PDGFD: variants seen among roughly 807,000 people sequenced by gnomAD.
The protein encoded by PDGFD is platelet-derived growth factor D.
Under a neutral mutation model 44.7 loss-of-function variants are expected in PDGFD, and 30 were observed. The ratio of observed to expected loss-of-function variants is 0.67; its 90% CI spans 0.50 to 0.91. The LOEUF is 0.91. Ranked by LOEUF, PDGFD falls within the 40% of genes least tolerant of loss-of-function variation. The pLI is 0.00. For missense variants in PDGFD, 445 were observed against 457.8 expected, an observed-to-expected ratio of 0.97 and a Z score of 0.25; for synonymous variants, 173 against 168.4, an observed-to-expected ratio of 1.03 and a Z score of -0.21.
chr11:103,920,418 G>A (rs916541637), intron 6 of PDGFD, among the ~76,000 whole-genome samples: 3 of 152,236 alleles, frequency 2.0e-5, no homozygotes, highest in African/African-American at 4.8e-5. Flanking sequence ...TGGAAAGCCT[G>A]GGTGGGCACT....
intron 3 of PDGFD, among the ~76,000 whole-genome samples, chr11:103,994,881 C>CT (rs35702032): frequency 0.062 from 8,470 of 136,392 alleles, 445 homozygotes; most frequent in African/African-American, 0.14. Flanking sequence ...GTTGCTATTC[C>CT]TTTTTTTTTT....
At chr11:104,084,052 T>C (rs1458084730) in intron 1 of PDGFD, among the ~76,000 whole-genome samples, 1 of 152,226 alleles carries the variant, frequency 6.6e-6, no homozygotes, top group Admixed American at 6.6e-5. Context: ...TTTGATGTGA[T>C]GTTGAGGAAC....
chr11:103,909,721 A>G lies in PDGFD; in HGVS notation c.1086T>C (p.Cys362=), dbSNP rs781737379. ...IQLDHHERCD[C]ICSSRPPR is the part of the protein sequence containing the mutation. ...ATCGAGGTGGTCTTGAGCTGCAGAT[A>G]CAATCACATCGTTCATGGTGATCCA... is the stretch of plus-strand genomic sequence containing the variant. Residue 362 remains cysteine (C), a synonymous_variant, in exon 7 of 7, where the codon TGT becomes TGC. Coordinates refer to ENST00000393158, the MANE Select transcript of PDGFD (RefSeq NM_025208.5). 4.3e-6 allele frequency: 7 copies of G among 1,614,072 alleles called. No individual in the cohort carries two copies. In the South Asian group the frequency reaches 6.6e-5, roughly 15 times the overall value.
chr11:104,110,773 G>C (rs1172562720), intron 1 of PDGFD, among the ~76,000 whole-genome samples: 1 of 152,052 alleles, frequency 6.6e-6, no homozygotes, highest in African/African-American at 2.4e-5. Context: ...GCACCTAGGA[G>C]GTTAAGTGTT....
chr11:104,121,254 C>T (rs1362193563), intron 1 of PDGFD, among the ~76,000 whole-genome samples: 3 of 151,918 alleles, frequency 2.0e-5, no homozygotes, highest in Non-Finnish European at 2.9e-5. Context: ...AATGTCCTTT[C>T]TAATCCAGGT....
intron 6 of PDGFD, among the ~76,000 whole-genome samples, chr11:103,922,949 T>C (rs1037279024): frequency 6.6e-6 from 1 of 152,074 alleles, no homozygotes; most frequent in Non-Finnish European, 1.5e-5. Context: ...TTGCTAATTT[T>C]CCCCAGTTTA....
intron 1 of PDGFD, among the ~76,000 whole-genome samples, chr11:104,010,183 T>TA (rs1859761937): frequency 1.4e-5 from 2 of 140,676 alleles, no homozygotes; most frequent in South Asian, 4.9e-4. Context: ...CAGTTACATA[T>TA]CTTTTTTTTT....
At chr11:104,055,029 T>C (rs182774734) in intron 1 of PDGFD, among the ~76,000 whole-genome samples, 5 of 152,358 alleles carry the variant, frequency 3.3e-5, no homozygotes, top group African/African-American at 1.2e-4. Context: ...TTTATTTTAA[T>C]GTTAATGTTT....
intron 1 of PDGFD, among the ~76,000 whole-genome samples, chr11:104,101,544 A>G (rs910389571): frequency 6.6e-6 from 1 of 152,172 alleles, no homozygotes; most frequent in Non-Finnish European, 1.5e-5. Context: ...TCAAGCTACC[A>G]ATGACTTTCT....
chr11:103,910,643 C>A (rs1188815533), intron 6 of PDGFD, among the ~76,000 whole-genome samples: 1 of 152,242 alleles, frequency 6.6e-6, no homozygotes, highest in Non-Finnish European at 1.5e-5. Context: ...GCCACCAGGG[C>A]CCTGGGTTTC....
At chr11:104,010,022 T>C (rs1423179049) in intron 1 of PDGFD, among the ~76,000 whole-genome samples, 2 of 152,128 alleles carry the variant, frequency 1.3e-5, no homozygotes, top group South Asian at 2.1e-4. Context: ...CTGTGCTCAG[T>C]CTATGGCCTG....
At chr11:104,036,572 G>C in intron 1 of PDGFD, 1 of 550,750 alleles carries the variant, frequency 1.8e-6, no homozygotes, top group Non-Finnish European at 3.3e-6. Context: ...GTTCCAAACA[G>C]CACACTTAGA....
At chr11:103,928,454 A>G (rs1591080395) in intron 5 of PDGFD, among the ~76,000 whole-genome samples, 1 of 152,186 alleles carries the variant, frequency 6.6e-6, no homozygotes, top group Non-Finnish European at 1.5e-5. Flanking sequence ...GAGAAGGAAG[A>G]AAAAAAGCCT....
chr11:104,010,133 T>C (rs192636221), intron 1 of PDGFD, among the ~76,000 whole-genome samples: 1 of 152,244 alleles, frequency 6.6e-6, no homozygotes, highest in East Asian at 1.9e-4. Context: ...TACAAAACTT[T>C]TCTGTTTATA....
rs114447377 is a variant in PDGFD, at chr11:104,152,873, G to A, written c.124+10931C>T. Among the ~76,000 whole-genome samples, 1,512 of 152,150 alleles carry A rather than the reference G, an allele frequency of 9.9e-3. 29 individuals are homozygous for A. The highest frequency in any genetic ancestry group is 0.034 in the African/African-American group (1,425 of 41,516). ...AATAGATATTAAAGCACTTAACCAC[G>A]TTAAAAGCACTTAGGAAATATCAGA... On this transcript the variant is annotated intron_variant, in intron 1 of 6. Transcript: ENST00000393158.
At chr11:104,091,648 A>C (rs1051014899) in intron 1 of PDGFD, among the ~76,000 whole-genome samples, 1 of 152,216 alleles carries the variant, frequency 6.6e-6, no homozygotes, top group African/African-American at 2.4e-5. Flanking sequence ...ATGAGGCCTA[A>C]GCGAAGACTT....
At chr11:104,039,860 A>C (rs1803523082) in intron 1 of PDGFD, among the ~76,000 whole-genome samples, 1 of 152,166 alleles carries the variant, frequency 6.6e-6, no homozygotes, top group African/African-American at 2.4e-5. Flanking sequence ...ATTTGCATAT[A>C]TCACATGGGA....
intron 3 of PDGFD, among the ~76,000 whole-genome samples, chr11:103,986,034 T>C (rs1180893064): frequency 6.6e-6 from 1 of 152,170 alleles, no homozygotes; most frequent in Non-Finnish European, 1.5e-5. Flanking sequence ...AATTGCAAAA[T>C]AAGAAAAGAT....
intron 1 of PDGFD, among the ~76,000 whole-genome samples, chr11:104,003,193 A>G (rs1859646184): frequency 6.6e-6 from 1 of 152,266 alleles, no homozygotes. Context: ...CTCAAAGGCC[A>G]GGTGAGCAGC....
Sources: allele counts gnomAD v4.1 joint callset (sites outside exome capture counted in the v4.1 genomes callset), GRCh38; gene constraint gnomAD v4.1.1; transcripts MANE v1.5; gene names NCBI Gene and HGNC (gene_info 2026-07-23, HGNC 2026-07-21).